The following KPNA4 variants were observed in gnomAD, a reference collection of about 807,000 sequenced individuals.
KPNA4 encodes importin subunit alpha-3.
KPNA4 carries 13 observed loss-of-function variants against 71.3 expected under a neutral mutation model. That is an observed-to-expected ratio of 0.18 (90% CI 0.12 to 0.29). The LOEUF (loss-of-function observed/expected upper bound fraction) is 0.29, where lower values mean the gene tolerates loss of function less well. Among genes scored for constraint, KPNA4 ranks in the 10% least tolerant of loss-of-function variants. The pLI is 1.00. For missense variants in KPNA4, 334 were observed against 603.2 expected (o/e 0.55, Z 4.67); for synonymous variants, 189 against 195.2 (o/e 0.97, Z 0.26).
intron 10 of KPNA4, among the ~76,000 whole-genome samples, chr3:160,524,475 G>GA (rs1721422251): frequency 6.6e-6 from 1 of 151,898 alleles, no homozygotes. Flanking sequence ...CTGAGTAGCT[G>GA]AGACTACAGG....
rs570104961 is a variant in KPNA4 at position 160,537,557 on chromosome 3, A to T, written c.70-717T>A. 4.6e-5 allele frequency among the ~76,000 whole-genome samples: 7 copies of T among 151,200 alleles called. No homozygotes were observed. In the East Asian group the frequency reaches 1.4e-3, roughly 29 times the overall value. ...AAATGTTCAGAAACAATATAAGTTC[A>T]ATCTGTTTTTACATACAGGTTCACC... is the stretch of plus-strand genomic sequence containing the variant. On this transcript the variant is annotated intron_variant, in intron 1 of 16. Coordinates refer to ENST00000334256, the MANE Select transcript of KPNA4 (RefSeq NM_002268.5).
chr3:160,501,885 C>G lies in KPNA4; in HGVS notation c.*219G>C. The G allele has an allele frequency of 4.7e-6, 1 of 212,138 alleles. No individual in the cohort carries two copies. Among genetic ancestry groups the G allele is most frequent in the Non-Finnish European group, 9.3e-6 (1 of 107,128 alleles). The allele number at this position is 212,138 out of a possible 1,614,324, so 13.1% of individuals were successfully genotyped here. A position where few individuals can be genotyped will look rare whatever the true frequency, so the allele number is the denominator to read the frequency against. ...TTACATTTTGCCACTCATTCTCACT[C>G]GCACCCACTCGCCATCTTGACCTCA... On this transcript the variant is annotated 3_prime_UTR_variant, in exon 17 of 17. Coordinates refer to ENST00000334256, the MANE Select transcript of KPNA4 (RefSeq NM_002268.5).
chr3:160,521,756 AATTT>A lies in KPNA4; in HGVS notation c.903+19_903+22del. On this transcript the variant is annotated intron_variant, in intron 11 of 16. Transcript: ENST00000334256. ...GCAATTAGTGGTAAGAAATACTTAT[AATTT>A]AACTAAGAACAAACTTACCTGAACT... The A allele has an allele frequency of 1.2e-6, 2 of 1,605,440 alleles. No individual in the cohort carries two copies. Among genetic ancestry groups the A allele is most frequent in the Non-Finnish European group, 1.7e-6 (2 of 1,176,628 alleles).
intron 1 of KPNA4, among the ~76,000 whole-genome samples, chr3:160,559,443 G>A (rs1722201389): frequency 1.3e-5 from 2 of 152,098 alleles, no homozygotes; most frequent in African/African-American, 4.8e-5. Flanking sequence ...TTTGGAAGAC[G>A]TGCATAACTC....
chr3:160,563,846 T>C (rs1722289808), intron 1 of KPNA4, among the ~76,000 whole-genome samples: 1 of 152,166 alleles, frequency 6.6e-6, no homozygotes, highest in Non-Finnish European at 1.5e-5. Flanking sequence ...AATGGTAATA[T>C]GTTAACCTTA....
chr3:160,554,660 T>A lies in KPNA4; in HGVS notation c.69+10554A>T, dbSNP rs370967356. On this transcript the variant is annotated intron_variant, in intron 1 of 16. Coordinates refer to ENST00000334256, the MANE Select transcript of KPNA4 (RefSeq NM_002268.5). ...GCACTTTCAGCCCCACCCTCCAACC[T>A]CTGGGGAGGGAAAAGGGGCTGAAGG... is the stretch of plus-strand genomic sequence containing the variant. Among the ~76,000 whole-genome samples, 35 of 152,212 alleles carry A rather than the reference T, an allele frequency of 2.3e-4. No homozygotes were observed. In the East Asian group the frequency reaches 6.6e-3, roughly 29 times the overall value.
chr3:160,556,573 A>AT (rs1192092828), intron 1 of KPNA4, among the ~76,000 whole-genome samples: 1 of 152,050 alleles, frequency 6.6e-6, no homozygotes, highest in African/African-American at 2.4e-5. Flanking sequence ...CAGATTTTGG[A>AT]TTTTTTTGGA....
intron 1 of KPNA4, among the ~76,000 whole-genome samples, chr3:160,559,673 T>C (rs1722205575): frequency 6.6e-6 from 1 of 152,114 alleles, no homozygotes; most frequent in Admixed American, 6.5e-5. Flanking sequence ...ATCTCCATAA[T>C]TATCCTGAAA....
chr3:160,525,711 T>C (rs895338368), intron 10 of KPNA4, 89 bp downstream of exon 10: 3 of 666,162 alleles, frequency 4.5e-6, no homozygotes, highest in Non-Finnish European at 4.6e-6. Context: ...CACAATGTGT[T>C]AGTATAATAT....
At chr3:160,531,076 T>C (rs894397224) in intron 6 of KPNA4, 136 bp from the exon 7 acceptor site, 2 of 634,938 alleles carry the variant, frequency 3.1e-6, no homozygotes, top group Non-Finnish European at 5.5e-6. Context: ...AGCATATTTT[T>C]TTAACCCTCA....
chr3:160,549,941 CTTTCT>C (rs991659832), intron 1 of KPNA4, among the ~76,000 whole-genome samples: 23 of 152,112 alleles, frequency 1.5e-4, no homozygotes, highest in Admixed American at 2.6e-4. Flanking sequence ...GCATATAAGC[CTTTCT>C]TTTATTTGGT....
Position 160,500,715 on chromosome 3 carries a change from A to T in KPNA4, c.*1389T>A, listed in dbSNP as rs776193579. On this transcript the variant is annotated 3_prime_UTR_variant, in exon 17 of 17. Coordinates refer to ENST00000334256, the MANE Select transcript of KPNA4 (RefSeq NM_002268.5). ...CCTACATCTAAGATAAAAAGATTCTAAAACAATTGAACAGATTAGGCATAT... is the reference window on the plus strand; with the variant it reads ...CCTACATCTAAGATAAAAAGATTCTTAAACAATTGAACAGATTAGGCATAT... 6.6e-6 allele frequency: 1 copy of T among 152,646 alleles called. No homozygotes were observed. The highest frequency in any genetic ancestry group is 1.5e-5 in the Non-Finnish European group (1 of 68,026). 9.5% of individuals were successfully genotyped at this position (152,646 alleles called of 1,614,324 possible).
chr3:160,535,716 T>C, intron 3 of KPNA4, 26 bp from the exon 4 acceptor site: 1 of 1,573,184 alleles, frequency 6.4e-7, no homozygotes, highest in Non-Finnish European at 8.6e-7. Context: ...AAGAGAAAAC[T>C]CAGTTAAAAA....
intron 10 of KPNA4, among the ~76,000 whole-genome samples, chr3:160,524,213 A>T (rs1342367603): frequency 6.6e-6 from 1 of 152,242 alleles, no homozygotes; most frequent in Non-Finnish European, 1.5e-5. Context: ...TCACAGTCTC[A>T]TCTAGATTGG....
At chr3:160,561,584 G>A (rs528409758) in intron 1 of KPNA4, among the ~76,000 whole-genome samples, 1 of 152,164 alleles carries the variant, frequency 6.6e-6, no homozygotes, top group South Asian at 2.1e-4. Context: ...AGTCAGAATG[G>A]TAGAGAGAGG....
intron 13 of KPNA4, among the ~76,000 whole-genome samples, chr3:160,513,776 C>T (rs536263378): frequency 5.9e-4 from 89 of 152,042 alleles, no homozygotes; most frequent in Non-Finnish European, 1.1e-3. Context: ...GCTTAGAATA[C>T]TATGTAAGCA....
intron 1 of KPNA4, among the ~76,000 whole-genome samples, chr3:160,561,428 G>T (rs1722243943): frequency 6.6e-6 from 1 of 151,720 alleles, no homozygotes; most frequent in Non-Finnish European, 1.5e-5. Context: ...TAAGACTGGG[G>T]ATCTTCTACA....
chr3:160,556,815 C>T (rs546938545), intron 1 of KPNA4, among the ~76,000 whole-genome samples: 1 of 152,078 alleles, frequency 6.6e-6, no homozygotes, highest in East Asian at 1.9e-4. Context: ...AGAGAAAAAA[C>T]GTGAACAAAT....
Position 160,508,251 on chromosome 3 carries a change from G to T in KPNA4, c.1228C>A (p.Gln410Lys). The T allele has an allele frequency of 6.2e-7, 1 of 1,607,166 alleles. No individual in the cohort carries two copies. ...RKDQVAYLIQ[Q>K]NVIPPFCNLL... ...TTGCAAAAAGGTGGGATAACATTTT[G>T]TTGGATAAGGTAAGCCACCTGAAGA... The change falls in exon 15 of 17, where the codon CAA becomes AAA. Residue 410 changes from glutamine (Q) to lysine (K), a missense_variant. Coordinates refer to ENST00000334256, the MANE Select transcript of KPNA4 (RefSeq NM_002268.5).
Sources: gnomAD v4.1 joint callset for allele counts (sites outside exome capture counted in the v4.1 genomes callset) on GRCh38, gnomAD v4.1.1 for gene constraint, MANE v1.5 for transcripts, NCBI Gene and HGNC (gene_info 2026-07-23, HGNC 2026-07-21) for gene names.